GLT8D2: variants seen among roughly 807,000 people sequenced by gnomAD.
GLT8D2 encodes glycosyltransferase 8 domain-containing protein 2.
Under a neutral mutation model 44.5 loss-of-function variants are expected in GLT8D2, and 45 were observed. The ratio of observed to expected loss-of-function variants is 1.01; its 90% CI spans 0.80 to 1.30. GLT8D2 has a LOEUF of 1.30. GLT8D2 is among the 50% of genes most tolerant of loss of function. The pLI, the probability that GLT8D2 is intolerant of heterozygous loss-of-function variation, is 0.00. For synonymous variants in GLT8D2, 156 were observed against 157.2 expected (o/e 0.99, Z 0.06); for missense variants, 400 against 430.4 (o/e 0.93, Z 0.62).
intron 4 of GLT8D2, among the ~76,000 whole-genome samples, chr12:104,006,865 C>T (rs1295729129): frequency 2.6e-5 from 4 of 152,176 alleles, no homozygotes; most frequent in Non-Finnish European, 5.9e-5. Flanking sequence ...CACACACACA[C>T]TTAAAAAACA....
intron 4 of GLT8D2, among the ~76,000 whole-genome samples, chr12:104,007,242 C>CTCTCTA (rs1875166692): frequency 6.9e-6 from 1 of 144,460 alleles, no homozygotes; most frequent in Admixed American, 7.0e-5. Context: ...AGCTCTCTCT[C>CTCTCTA]TCTCTCTCTC....
chr12:104,026,115 C>G (rs1246039270), intron 1 of GLT8D2, among the ~76,000 whole-genome samples: 1 of 151,802 alleles, frequency 6.6e-6, no homozygotes, highest in South Asian at 2.1e-4. Context: ...CCCATCTCTA[C>G]TAAAAATTCA....
intron 9 of GLT8D2, 52 bp downstream of exon 9, chr12:103,994,283 G>A (rs1219299369): frequency 7.3e-6 from 11 of 1,509,986 alleles, no homozygotes; most frequent in African/African-American, 1.4e-5. Flanking sequence ...AAAATTAATT[G>A]AATGATTTTG....
intron 1 of GLT8D2, among the ~76,000 whole-genome samples, chr12:104,041,145 G>T (rs769939905): frequency 6.6e-6 from 1 of 151,848 alleles, no homozygotes; most frequent in Non-Finnish European, 1.5e-5. Flanking sequence ...CAGGCGTGGT[G>T]GCTCACCCCT....
intron 1 of GLT8D2, among the ~76,000 whole-genome samples, chr12:104,061,688 T>C (rs1472729018): frequency 6.6e-6 from 1 of 152,112 alleles, no homozygotes; most frequent in Non-Finnish European, 1.5e-5. Context: ...TATTATGAAA[T>C]TGGGCTGGCC....
At chr12:104,005,023 C>T (rs973410935) in intron 4 of GLT8D2, among the ~76,000 whole-genome samples, 2 of 152,070 alleles carry the variant, frequency 1.3e-5, no homozygotes, top group Non-Finnish European at 2.9e-5. Flanking sequence ...GGTACTGGTA[C>T]CAAAACAGAG....
chr12:103,996,942 G>A, intron 7 of GLT8D2, 95 bp from the exon 8 acceptor site: 5 of 752,584 alleles, frequency 6.6e-6, no homozygotes, highest in Non-Finnish European at 1.1e-5. Flanking sequence ...TTTTGCTATG[G>A]GAGAAGAGTA....
In GLT8D2 at chr12:104,029,239, G is replaced by A. The variant is rs143229025; in HGVS notation, c.-163-7748C>T. ...TGGAAGGCTGAGGTTGCAGTGAGCC[G>A]AGATTGCACCACTGTACTCCAGCCT... On this transcript the variant is annotated intron_variant, in intron 1 of 10. Coordinates refer to ENST00000360814, the MANE Select transcript of GLT8D2 (RefSeq NM_001384711.1). Among the ~76,000 whole-genome samples, 339 of 152,176 alleles carry A rather than the reference G, an allele frequency of 2.2e-3. 2 individuals carry two copies. Among genetic ancestry groups the A allele is most frequent in the African/African-American group, 6.8e-3 (281 of 41,514 alleles).
At chr12:103,992,617 C>T (rs1400529954) in intron 10 of GLT8D2, among the ~76,000 whole-genome samples, 2 of 151,834 alleles carry the variant, frequency 1.3e-5, no homozygotes, top group African/African-American at 4.8e-5. Context: ...CTCAGCCTCC[C>T]GAGTAGCTGG....
At chr12:104,011,818 T>C (rs1413387415) in intron 4 of GLT8D2, among the ~76,000 whole-genome samples, 2 of 152,098 alleles carry the variant, frequency 1.3e-5, no homozygotes, top group African/African-American at 4.8e-5. Context: ...TTTATAACAA[T>C]ATATAACACA....
intron 10 of GLT8D2, among the ~76,000 whole-genome samples, chr12:103,990,514 T>C (rs1872627546): frequency 6.6e-6 from 1 of 152,176 alleles, no homozygotes; most frequent in Non-Finnish European, 1.5e-5. Context: ...GAATGTACAA[T>C]TTTTTAAAAA....
intron 4 of GLT8D2, among the ~76,000 whole-genome samples, chr12:104,010,467 C>T (rs1201531244): frequency 1.3e-5 from 2 of 152,226 alleles, no homozygotes; most frequent in Non-Finnish European, 2.9e-5. Flanking sequence ...AATTAACACG[C>T]ACCTTCTCTA....
At chr12:104,047,735 T>G (rs1881324736) in intron 1 of GLT8D2, among the ~76,000 whole-genome samples, 1 of 152,116 alleles carries the variant, frequency 6.6e-6, no homozygotes, top group Non-Finnish European at 1.5e-5. Flanking sequence ...CATATGAATT[T>G]TGGGGGGACA....
chr12:104,046,847 C>G (rs770209248), intron 1 of GLT8D2, among the ~76,000 whole-genome samples: 2 of 150,584 alleles, frequency 1.3e-5, no homozygotes, highest in African/African-American at 2.4e-5. Context: ...TTTTTTTTGA[C>G]AGGGTCTTAC....
intron 5 of GLT8D2, among the ~76,000 whole-genome samples, chr12:104,000,890 C>T (rs1226358374): frequency 6.6e-6 from 1 of 152,188 alleles, no homozygotes; most frequent in East Asian, 1.9e-4. Context: ...ATCTCAGTAC[C>T]TCCTGATGGC....
chr12:104,060,860 C>A (rs966601812), intron 1 of GLT8D2, among the ~76,000 whole-genome samples: 1 of 151,906 alleles, frequency 6.6e-6, no homozygotes, highest in African/African-American at 2.4e-5. Flanking sequence ...GAGGTGGAGG[C>A]TGCAGCAAGC....
intron 8 of GLT8D2, among the ~76,000 whole-genome samples, chr12:103,995,453 T>G (rs1873294866): frequency 6.6e-6 from 1 of 152,176 alleles, no homozygotes; most frequent in Non-Finnish European, 1.5e-5. Flanking sequence ...CCTCTAACCA[T>G]CTGCACAGGT....
chr12:103,999,281 C>A, intron 6 of GLT8D2, 116 bp downstream of exon 6: 1 of 633,212 alleles, frequency 1.6e-6, no homozygotes, highest in South Asian at 2.2e-5. Flanking sequence ...TGGTGGAGAT[C>A]AACTCCACAT....
chr12:104,021,933 GAAGAAGAAGAAGAAGAAGAA>G (rs1877797743), intron 1 of GLT8D2, among the ~76,000 whole-genome samples: 6 of 24,860 alleles, frequency 2.4e-4, no homozygotes, highest in African/African-American at 8.6e-4. Flanking sequence ...AGAAGAAGAA[GAAGAAGAAGAAGAAGAAGAA>G]GAGGAAGAAG....
Sources: gnomAD v4.1 joint callset for allele counts (sites outside exome capture counted in the v4.1 genomes callset) on GRCh38, gnomAD v4.1.1 for gene constraint, MANE v1.5 for transcripts, NCBI Gene and HGNC (gene_info 2026-07-23, HGNC 2026-07-21) for gene names.